The following NKAIN2 variants were observed in gnomAD, a reference collection of about 807,000 sequenced individuals.
The protein encoded by NKAIN2 is sodium/potassium transporting ATPase interacting 2, also known as sodium/potassium-transporting ATPase subunit beta-1-interacting protein 2.
In NKAIN2, 14 loss-of-function variants were observed where a neutral mutation model predicts 32.6. The observed-to-expected ratio is 0.43, with a 90% confidence interval of 0.28 to 0.67. NKAIN2 has a LOEUF of 0.67. Among genes scored for constraint, NKAIN2 ranks in the 30% least tolerant of loss-of-function variants. The pLI is 0.17. For missense variants in NKAIN2, 198 were observed against 258.3 expected, an observed-to-expected ratio of 0.77 and a Z score of 1.60; for synonymous variants, 80 against 87.2, an observed-to-expected ratio of 0.92 and a Z score of 0.46.
chr6:124,467,953 A>G (rs1776829146), intron 3 of NKAIN2, among the ~76,000 whole-genome samples: 3 of 152,082 alleles, frequency 2.0e-5, no homozygotes, highest in Admixed American at 6.6e-5. Flanking sequence ...TTCTTCAAGT[A>G]TATGTTTGGG....
chr6:124,142,217 C>A (rs1787179518), intron 1 of NKAIN2, among the ~76,000 whole-genome samples: 1 of 152,142 alleles, frequency 6.6e-6, no homozygotes, highest in African/African-American at 2.4e-5. Context: ...ACATCAATCA[C>A]CTCTTAGTCT....
intron 3 of NKAIN2, among the ~76,000 whole-genome samples, chr6:124,557,388 C>T (rs369088872): frequency 8.5e-5 from 13 of 152,184 alleles, no homozygotes; most frequent in South Asian, 2.1e-4. Flanking sequence ...TATAGCCCTG[C>T]GCTAAAAAGG....
At chr6:123,973,786 C>G (rs1778437839) in intron 1 of NKAIN2, among the ~76,000 whole-genome samples, 1 of 151,804 alleles carries the variant, frequency 6.6e-6, no homozygotes, top group African/African-American at 2.4e-5. Context: ...GATTTGGGGC[C>G]AAAAAAGATT....
intron 1 of NKAIN2, among the ~76,000 whole-genome samples, chr6:124,169,438 T>C (rs1055142500): frequency 6.6e-6 from 1 of 152,196 alleles, no homozygotes; most frequent in African/African-American, 2.4e-5. Flanking sequence ...CAGTTTCACA[T>C]TGATGGCTGA....
intron 1 of NKAIN2, among the ~76,000 whole-genome samples, chr6:124,234,527 T>G (rs956136298): frequency 6.6e-6 from 1 of 152,150 alleles, no homozygotes; most frequent in African/African-American, 2.4e-5. Context: ...ATATTCTTAT[T>G]TATCTCTTCC....
intron 1 of NKAIN2, among the ~76,000 whole-genome samples, chr6:124,138,503 A>G (rs1001711576): frequency 6.6e-6 from 1 of 152,018 alleles, no homozygotes; most frequent in Non-Finnish European, 1.5e-5. Flanking sequence ...TATCCAGAGG[A>G]AAAGAAGTCA....
At chr6:123,850,353 A>G (rs35272656) in intron 1 of NKAIN2, among the ~76,000 whole-genome samples, 6 of 101,666 alleles carry the variant, frequency 5.9e-5, no homozygotes, top group Non-Finnish European at 9.9e-5. Flanking sequence ...AAAAAAAAAA[A>G]AAATATATAT....
chr6:123,940,043 G>A (rs1776743887), intron 1 of NKAIN2, among the ~76,000 whole-genome samples: 1 of 151,784 alleles, frequency 6.6e-6, no homozygotes, highest in Non-Finnish European at 1.5e-5. Flanking sequence ...TGGGCCCAGA[G>A]TGCTTAATTA....
intron 3 of NKAIN2, among the ~76,000 whole-genome samples, chr6:124,609,481 G>A (rs984670499): frequency 9.2e-5 from 14 of 151,956 alleles, no homozygotes; most frequent in Middle Eastern, 3.4e-3. Flanking sequence ...TCCATTTTAC[G>A]CACCCTAGAT....
chr6:124,066,022 A>G (rs1051942622), intron 1 of NKAIN2, among the ~76,000 whole-genome samples: 5 of 152,146 alleles, frequency 3.3e-5, no homozygotes, highest in Non-Finnish European at 5.9e-5. Flanking sequence ...GGGGAACAAC[A>G]TAAGTCAAGC....
intron 1 of NKAIN2, among the ~76,000 whole-genome samples, chr6:123,928,162 A>T (rs1776092960): frequency 6.6e-6 from 1 of 152,332 alleles, no homozygotes; most frequent in Middle Eastern, 3.4e-3. Flanking sequence ...AAAAAACCAA[A>T]TACTGCATGT....
chr6:123,853,626 G>T (rs1006378688), intron 1 of NKAIN2, among the ~76,000 whole-genome samples: 1 of 152,140 alleles, frequency 6.6e-6, no homozygotes, highest in Non-Finnish European at 1.5e-5. Context: ...ATGACAAAAA[G>T]GAGGAGAATA....
At chr6:124,158,387 T>G (rs1175220163) in intron 1 of NKAIN2, among the ~76,000 whole-genome samples, 1 of 152,200 alleles carries the variant, frequency 6.6e-6, no homozygotes, top group Non-Finnish European at 1.5e-5. Flanking sequence ...GGTTAGAGTT[T>G]CCACATGTGG....
chr6:124,484,817 A>G (rs1777587833), intron 3 of NKAIN2, among the ~76,000 whole-genome samples: 1 of 152,184 alleles, frequency 6.6e-6, no homozygotes, highest in Admixed American at 6.5e-5. Flanking sequence ...ATGCATAAAT[A>G]TATACATGCA....
At chr6:123,832,427 A>G (rs764500938) in intron 1 of NKAIN2, among the ~76,000 whole-genome samples, 22 of 152,238 alleles carry the variant, frequency 1.4e-4, no homozygotes, top group Non-Finnish European at 2.6e-4. Context: ...TAAGACAGCT[A>G]TGAACATCCA....
At chr6:124,381,075 T>C in intron 3 of NKAIN2, among the ~76,000 whole-genome samples, 1 of 152,200 alleles carries the variant, frequency 6.6e-6, no homozygotes, top group Non-Finnish European at 1.5e-5. Flanking sequence ...CAAATATGTA[T>C]ATATTAGAAC....
rs1042171464 is a variant in NKAIN2, at chr6:124,440,335, G to A, written c.273+84988G>A. Among the ~76,000 whole-genome samples, 7 of 152,032 alleles carry A rather than the reference G, an allele frequency of 4.6e-5. No homozygotes were observed. The South Asian group carries it at 1.4e-3, about 31-fold the overall frequency. ...ACCTGGGCATAAGTTGCAAGAAAAAGTTTAATGGGATAGACTTAAGCTCCT... is the reference window on the plus strand; with the variant it reads ...ACCTGGGCATAAGTTGCAAGAAAAAATTTAATGGGATAGACTTAAGCTCCT... On this transcript the variant is annotated intron_variant, in intron 3 of 6. Transcript: ENST00000368417.
At chr6:124,530,490 G>A (rs144772195) in intron 3 of NKAIN2, among the ~76,000 whole-genome samples, 1 of 152,122 alleles carries the variant, frequency 6.6e-6, no homozygotes, top group East Asian at 1.9e-4. Flanking sequence ...GGAGAGGTAG[G>A]GACATTCAAT....
At chr6:124,165,681 C>A (rs1429454553) in intron 1 of NKAIN2, among the ~76,000 whole-genome samples, 22 of 142,862 alleles carry the variant, frequency 1.5e-4, no homozygotes, top group African/African-American at 5.5e-4. Flanking sequence ...CCTACCCCAC[C>A]ACAGTCCCCA....
Sources: gnomAD v4.1 joint callset for allele counts (sites outside exome capture counted in the v4.1 genomes callset) on GRCh38, gnomAD v4.1.1 for gene constraint, MANE v1.5 for transcripts, NCBI Gene and HGNC (gene_info 2026-07-23, HGNC 2026-07-21) for gene names.